Variants in GSS observed in about 807,000 individuals in gnomAD.
The protein encoded by GSS is glutathione synthetase, also known as GSH synthetase.
GSS carries 34 observed loss-of-function variants against 60.4 expected under a neutral mutation model. The observed-to-expected ratio is 0.56, with a 90% CI of 0.43 to 0.75. The LOEUF (loss-of-function observed/expected upper bound fraction) is 0.75, where lower values mean the gene tolerates loss of function less well. GSS is among the 30% of genes least tolerant of loss of function. The pLI is 0.00. For missense variants in GSS, 499 were observed against 595.1 expected, an observed-to-expected ratio of 0.84 and a Z score of 1.68; for synonymous variants, 224 against 239.0, an observed-to-expected ratio of 0.94 and a Z score of 0.58.
chr20:34,933,000 C>A (rs1385215365), intron 9 of GSS, among the ~76,000 whole-genome samples: 1 of 152,050 alleles, frequency 6.6e-6, no homozygotes, highest in Non-Finnish European at 1.5e-5. Context: ...TGCACGCCAC[C>A]ACACCCAGCT....
chr20:34,952,043 A>G, intron 1 of GSS, 183 bp from the exon 2 acceptor site: 1 of 651,302 alleles, frequency 1.5e-6, no homozygotes, highest in South Asian at 1.7e-5. Context: ...TGCACAAAAT[A>G]GAAAGCTTGA....
At position 34,946,043 on chromosome 20, in the gene GSS, A is replaced by C; in HGVS notation, c.185T>G (p.Leu62Arg). Reference sequence around the variant, plus strand: ...CATCTGCACAGCATAGGCTTGCTCCAGCAGGGCACTGGGGACCAGTGAGGG... The same window carrying C: ...CATCTGCACAGCATAGGCTTGCTCCCGCAGGGCACTGGGGACCAGTGAGGG... ...LFPSLVPSAL[L>R]EQAYAVQMDF... is the part of the protein sequence containing the mutation. Residue 62 changes from leucine (L) to arginine (R), a missense_variant, in exon 3 of 13, where the codon CTG becomes CGG. Leu to Arg is a moderately radical substitution (Grantham distance 102, BLOSUM62 -2). Transcript: ENST00000651619. 6.2e-7 allele frequency: 1 copy of C among 1,613,876 alleles called. No individual in the cohort carries two copies. Among genetic ancestry groups the C allele is most frequent in the Non-Finnish European group, 8.5e-7 (1 of 1,179,740 alleles).
intron 6 of GSS, 78 bp from the exon 7 acceptor site, chr20:34,937,101 G>A (rs1019460325): frequency 2.4e-5 from 22 of 927,528 alleles, no homozygotes; most frequent in East Asian, 4.9e-5. Flanking sequence ...CCCCCATACC[G>A]CCCCACCTCC....
intron 8 of GSS, 65 bp downstream of exon 8, chr20:34,936,698 G>T: frequency 9.4e-7 from 1 of 1,069,498 alleles, no homozygotes. Flanking sequence ...GAATCATTTT[G>T]GGGAAGAGGG....
intron 2 of GSS, among the ~76,000 whole-genome samples, chr20:34,948,943 T>C (rs767814851): frequency 1.3e-5 from 2 of 152,196 alleles, no homozygotes; most frequent in African/African-American, 2.4e-5. Context: ...AACTCTGCTC[T>C]AGCCAATTGT....
At position 34,951,770 on chromosome 20, in the gene GSS, G is replaced by A. The variant is rs2081570394; in HGVS notation, c.83C>T (p.Ala28Val). Residue 28 changes from alanine to valine, a missense_variant, in exon 2 of 13, where the codon GCT becomes GTT. Physicochemically the swap from Ala to Val is moderately conservative, Grantham distance 64. Transcript: ENST00000651619. The part of the protein sequence containing the change: ...LARQAVDRAL[A>V]EGVLLRTSQE... The stretch of plus-strand genomic sequence containing the variant: ...TGAGGTCCTCAGCAATACTCCCTCA[G>A]CCAGGGCCCGGTCCACGGCCTGCCG... The A allele has an allele frequency of 6.2e-7, 1 of 1,613,382 alleles. No homozygotes were observed. The highest frequency in any genetic ancestry group is 1.1e-5 in the South Asian group (1 of 90,854).
At chr20:34,933,359 G>GGT (rs1259901017) in intron 9 of GSS, among the ~76,000 whole-genome samples, 32 of 152,282 alleles carry the variant, frequency 2.1e-4, no homozygotes, top group African/African-American at 7.5e-4. Flanking sequence ...TGACAAGTGA[G>GGT]ACTCAATAGG....
At position 34,929,211 on chromosome 20, in the gene GSS, A is replaced by G. The variant is rs1801310; in HGVS notation, c.1301+190T>C. On this transcript the variant is annotated intron_variant, in intron 12 of 12. Transcript: ENST00000651619. ...TCAGGGCTTCATCTGATACCCTGGT[A>G]AGGTGGGCAGGTCTTGGGTCCTTGG... is the stretch of plus-strand genomic sequence containing the variant. The G allele has an allele frequency of 0.62, 435,929 of 698,280 alleles. 140,808 individuals are homozygous for G. Among genetic ancestry groups the G allele is most frequent in the African/African-American group, 0.86 (48,940 of 56,604 alleles). 43.3% of individuals were successfully genotyped at this position (698,280 alleles called of 1,614,324 possible).
intron 2 of GSS, among the ~76,000 whole-genome samples, chr20:34,948,904 C>T (rs576884508): frequency 6.6e-6 from 1 of 152,262 alleles, no homozygotes; most frequent in South Asian, 2.1e-4. Context: ...AAAAGAAGTA[C>T]TTGCATCTTC....
chr20:34,929,561 G>A lies in GSS; in HGVS notation c.1141C>T (p.Gln381Ter). 6.2e-7 allele frequency: 1 copy of A among 1,613,996 alleles called. No homozygotes were observed. The highest frequency in any genetic ancestry group is 8.5e-7 in the Non-Finnish European group (1 of 1,179,902). Residue 381 changes from glutamine (Q) to a stop codon, truncating the protein, a stop_gained, in exon 12 of 13, where the codon CAG becomes TAG. Coordinates refer to ENST00000651619, the MANE Select transcript of GSS (RefSeq NM_000178.4). LOFTEE classifies it high-confidence loss of function. ...CTGTCCTTCAGCTGTTTCAGGGCCT[G>A]TACCATTTCCTCCCCATATAGGTTG... is the stretch of plus-strand genomic sequence containing the variant. ...GNNLYGEEMV[Q>*]ALKQLKDSEE...
At position 34,951,791 on chromosome 20, in the gene GSS, T is replaced by G; in HGVS notation, c.62A>C (p.Gln21Pro). 1.9e-6 allele frequency: 3 copies of G among 1,614,104 alleles called. No individual in the cohort carries two copies. The South Asian group carries it at 3.3e-5, about 18-fold the overall frequency. ...CTCAGCCAGGGCCCGGTCCACGGCC[T>G]GCCGTGCCAGCTCCTCTAGCTGCTG... ...DKQQLEELAR[Q>P]AVDRALAEGV... is the part of the protein sequence containing the mutation. Residue 21 changes from glutamine to proline, a missense_variant, in exon 2 of 13, where the codon CAG (glutamine) becomes CCG (proline). Physicochemically the swap from Gln to Pro is moderately conservative, Grantham distance 76. Coordinates refer to ENST00000651619, the MANE Select transcript of GSS (RefSeq NM_000178.4).
In GSS at chr20:34,936,924, TC is replaced by T. The variant is rs778867305; in HGVS notation, c.689+18del. 3 of 1,608,146 alleles carry T rather than the reference TC, an allele frequency of 1.9e-6. No homozygotes were observed. The African/African-American group carries it at 4.0e-5, about 22-fold the overall frequency. On this transcript the variant is annotated intron_variant, in intron 7 of 12. Transcript: ENST00000651619. ...CTAATCCTGGAGCCACACCTAGAAGTCCCCCTTCCTTTACTTACCTGGCCAG... is the reference window on the plus strand; with the variant it reads ...CTAATCCTGGAGCCACACCTAGAAGTCCCCTTCCTTTACTTACCTGGCCAG...
Position 34,937,015 on chromosome 20 carries a change from A to G in GSS, c.617T>C (p.Val206Ala). Reference protein sequence around the residue: ...WELYGSPNALVLLIAQEKERN... With the variant: ...WELYGSPNALALLIAQEKERN... Reference sequence around the variant, plus strand: ...TTCCTTCTCTTGAGCAATCAGTAGCACCAGAGCACTGGGGAAAGAGCACAG... The same window carrying G: ...TTCCTTCTCTTGAGCAATCAGTAGCGCCAGAGCACTGGGGAAAGAGCACAG... Residue 206 changes from valine to alanine, a missense_variant, in exon 7 of 13, where the codon GTG (valine) becomes GCG (alanine). By Grantham distance (64) the Val-to-Ala change is moderately conservative. Transcript: ENST00000651619. 1 of 1,612,904 alleles carries G rather than the reference A, an allele frequency of 6.2e-7. No individual in the cohort carries two copies. The highest frequency in any genetic ancestry group is 2.2e-5 in the East Asian group (1 of 44,860).
chr20:34,945,930 C>A, intron 3 of GSS, 23 bp downstream of exon 3: 1 of 1,613,426 alleles, frequency 6.2e-7, no homozygotes. Flanking sequence ...CTCCTGGCCC[C>A]CCAATGCTTC....
chr20:34,935,526 G>T, intron 9 of GSS, 50 bp downstream of exon 9: 1 of 1,234,084 alleles, frequency 8.1e-7, no homozygotes, highest in Non-Finnish European at 1.2e-6. Context: ...TCTCTGTGGA[G>T]CTCTTGTGGG....
chr20:34,930,361 A>G (rs2081391262), intron 11 of GSS, among the ~76,000 whole-genome samples: 2 of 152,088 alleles, frequency 1.3e-5, no homozygotes, highest in African/African-American at 4.8e-5. Flanking sequence ...AACTTGTCCA[A>G]GCAGAACTTA....
At chr20:34,950,587 G>A (rs2081561206) in intron 2 of GSS, among the ~76,000 whole-genome samples, 1 of 149,288 alleles carries the variant, frequency 6.7e-6, no homozygotes, top group Non-Finnish European at 1.5e-5. Flanking sequence ...ACAACATGGT[G>A]AAACCCTGTC....
At chr20:34,943,516 G>A (rs1369456336) in intron 3 of GSS, among the ~76,000 whole-genome samples, 1 of 152,098 alleles carries the variant, frequency 6.6e-6, no homozygotes, top group South Asian at 2.1e-4. Flanking sequence ...TTGGAGATTA[G>A]AAGACAGCAG....
chr20:34,944,404 C>T (rs1413592111), intron 3 of GSS, among the ~76,000 whole-genome samples: 1 of 152,148 alleles, frequency 6.6e-6, no homozygotes, highest in Non-Finnish European at 1.5e-5. Context: ...AGAAACAGCT[C>T]AGGGGCAAGG....
Sources: allele counts gnomAD v4.1 joint callset (sites outside exome capture counted in the v4.1 genomes callset), GRCh38; gene constraint gnomAD v4.1.1; transcripts MANE v1.5; gene names NCBI Gene and HGNC (gene_info 2026-07-23, HGNC 2026-07-21).